Variants in PRICKLE2 observed in about 807,000 individuals in gnomAD.
The protein encoded by PRICKLE2 is prickle planar cell polarity protein 2.
Under a neutral mutation model 81.4 loss-of-function variants are expected in PRICKLE2, and 21 were observed. That is an observed-to-expected ratio of 0.26 (90% CI 0.18 to 0.37). The LOEUF is 0.37. PRICKLE2 is among the 10% of genes least tolerant of loss of function. The pLI is 1.00. For missense variants in PRICKLE2, 940 were observed against 1,109.0 expected, an observed-to-expected ratio of 0.85 and a Z score of 2.16; for synonymous variants, 456 against 421.5, an observed-to-expected ratio of 1.08 and a Z score of -1.00.
At chr3:64,233,002 A>G (rs1238794767) in intron 2 of PRICKLE2, among the ~76,000 whole-genome samples, 1 of 152,194 alleles carries the variant, frequency 6.6e-6, no homozygotes, top group Non-Finnish European at 1.5e-5. Flanking sequence ...TGTGCTATCT[A>G]TGGCTGCATT....
intron 2 of PRICKLE2, among the ~76,000 whole-genome samples, chr3:64,165,326 C>T (rs528229029): frequency 5.3e-5 from 8 of 152,110 alleles, no homozygotes; most frequent in Non-Finnish European, 8.8e-5. Flanking sequence ...AGATCTGGAC[C>T]CCGAGTCAAG....
intron 7 of PRICKLE2, among the ~76,000 whole-genome samples, chr3:64,128,481 C>A (rs191654854): frequency 6.6e-6 from 1 of 152,210 alleles, no homozygotes; most frequent in Non-Finnish European, 1.5e-5. Flanking sequence ...GGTGCGGTGG[C>A]CAACGCCTGT....
chr3:64,142,869 T>G (rs2077385312), intron 7 of PRICKLE2, among the ~76,000 whole-genome samples: 1 of 152,210 alleles, frequency 6.6e-6, no homozygotes, highest in South Asian at 2.1e-4. Flanking sequence ...TTTATCCACT[T>G]ATTCACAAAA....
chr3:64,192,719 A>G (rs1226491902), intron 2 of PRICKLE2, among the ~76,000 whole-genome samples: 2 of 152,212 alleles, frequency 1.3e-5, no homozygotes, highest in Admixed American at 6.5e-5. Context: ...CACACTTGGT[A>G]TCTACCCTTC....
chr3:64,109,269 C>T (rs1257078283), intron 7 of PRICKLE2, among the ~76,000 whole-genome samples: 1 of 152,182 alleles, frequency 6.6e-6, no homozygotes, highest in Non-Finnish European at 1.5e-5. Context: ...CTAAACTCTT[C>T]TCAGAAAATT....
In PRICKLE2 at chr3:64,099,145, C is replaced by T. The variant is rs1457237019; in HGVS notation, c.2441G>A (p.Ser814Asn). The part of the protein sequence containing the change: ...VTSDELLHKY[S>N]SYGLPKSSTL... ...GGAAGATTTGGGGAGGCCGTAGGAG[C>T]TGTATTTGTGCAGCAGCTCATCGCT... is the stretch of plus-strand genomic sequence containing the variant. Residue 814 changes from serine (S) to asparagine (N), a missense_variant, in exon 8 of 8, where the codon AGC (serine) becomes AAC (asparagine). This residue lies in a region of PRICKLE2 where 670 missense variants were observed against 717.2 expected (regional missense o/e 0.93). Coordinates refer to ENST00000638394, the MANE Select transcript of PRICKLE2 (RefSeq NM_198859.4). The surrounding 1 kb of genome is among the most constrained non-coding windows in gnomAD (Gnocchi z 4.3). The T allele has an allele frequency of 6.2e-7, 1 of 1,614,098 alleles. No homozygotes were observed. Among genetic ancestry groups the T allele is most frequent in the African/African-American group, 1.3e-5 (1 of 74,944 alleles).
At chr3:64,115,835 G>A (rs549027032) in intron 7 of PRICKLE2, among the ~76,000 whole-genome samples, 2 of 152,148 alleles carry the variant, frequency 1.3e-5, no homozygotes, top group South Asian at 4.2e-4. Context: ...CTCCGCTCTG[G>A]ATCAAGCAGA....
chr3:64,214,992 A>G (rs2078849965), intron 1 of PRICKLE2, among the ~76,000 whole-genome samples: 1 of 151,994 alleles, frequency 6.6e-6, no homozygotes, highest in Non-Finnish European at 1.5e-5. Flanking sequence ...TTGAGCTACT[A>G]CAATAGCCTA....
chr3:64,222,448 A>G (rs1274008052), intron 1 of PRICKLE2, among the ~76,000 whole-genome samples: 2 of 152,206 alleles, frequency 1.3e-5, no homozygotes, highest in Non-Finnish European at 2.9e-5. Flanking sequence ...CCCAAAATTA[A>G]AAAGAAAGAT....
At chr3:64,121,098 T>C (rs1162709247) in intron 7 of PRICKLE2, among the ~76,000 whole-genome samples, 2 of 152,162 alleles carry the variant, frequency 1.3e-5, no homozygotes, top group Non-Finnish European at 2.9e-5. Flanking sequence ...TCTGCACAGA[T>C]GGAATAAGCA....
intron 5 of PRICKLE2, among the ~76,000 whole-genome samples, chr3:64,156,386 A>G (rs2077635544): frequency 1.3e-5 from 2 of 152,238 alleles, no homozygotes; most frequent in African/African-American, 4.8e-5. Context: ...ACAGAGAAAG[A>G]TAGATGCAAA....
intron 7 of PRICKLE2, among the ~76,000 whole-genome samples, chr3:64,127,483 A>T (rs1460343444): frequency 1.3e-5 from 2 of 151,916 alleles, no homozygotes; most frequent in Non-Finnish European, 2.9e-5. Context: ...ACCTCATCTG[A>T]CTCTCATGAA....
At chr3:64,230,714 A>C (rs566234777) in intron 2 of PRICKLE2, among the ~76,000 whole-genome samples, 14 of 152,224 alleles carry the variant, frequency 9.2e-5, no homozygotes, top group Non-Finnish European at 2.1e-4. Flanking sequence ...GACCTAGCAG[A>C]TGACAGCTAC....
At position 64,097,221 on chromosome 3, in the gene PRICKLE2, A is replaced by G. The variant is rs1169322148; in HGVS notation, c.*1830T>C. On this transcript the variant is annotated 3_prime_UTR_variant, in exon 8 of 8. Transcript: ENST00000638394. ...AATACCTGAAAAGCAAATTATTTTA[A>G]TACATCCCGAATGGAGTGCCATTAC... 1 of 152,612 alleles carries G rather than the reference A, an allele frequency of 6.6e-6. No homozygotes were observed. The highest frequency in any genetic ancestry group is 1.9e-4 in the East Asian group (1 of 5,194). The allele number at this position is 152,612 out of a possible 1,614,324, so 9.5% of individuals were successfully genotyped here.
At position 64,246,219 on chromosome 3, in the gene PRICKLE2, G is replaced by C. The variant is rs570951410; in HGVS notation, c.129-47252C>G. On this transcript the variant is annotated intron_variant, in intron 2 of 8. Transcript: ENST00000295902. ...ATCATCCCACTGCACTCCAGCCTGGGCGACAAAGCAAGACTCCATCTCAAA... is the reference window on the plus strand; with the variant it reads ...ATCATCCCACTGCACTCCAGCCTGGCCGACAAAGCAAGACTCCATCTCAAA... Among the ~76,000 whole-genome samples the C allele has an allele frequency of 2.0e-5, 3 of 152,190 alleles. No individual in the cohort carries two copies. The East Asian group carries it at 5.8e-4, about 29-fold the overall frequency.
At position 64,092,946 on chromosome 3, in the gene PRICKLE2, A is replaced by C. The variant is rs1416298089; in HGVS notation, c.*6105T>G. 6.6e-6 allele frequency: 1 copy of C among 152,292 alleles called. No homozygotes were observed. Among genetic ancestry groups the C allele is most frequent in the Non-Finnish European group, 1.5e-5 (1 of 68,106 alleles). The allele number at this position is 152,292 out of a possible 1,614,324, so 9.4% of individuals were successfully genotyped here. On this transcript the variant is annotated 3_prime_UTR_variant, in exon 8 of 8. Transcript: ENST00000638394. ...GTTCAGTAGTATTAAGTTCATCTGC[A>C]TTGTTCTGCAACCCGTCTCCAGAAC...
At chr3:64,258,057 C>T (rs1356241030) in intron 2 of PRICKLE2, among the ~76,000 whole-genome samples, 2 of 152,024 alleles carry the variant, frequency 1.3e-5, no homozygotes, top group African/African-American at 4.8e-5. Context: ...AGCACCAGAA[C>T]GTAAAAGAAA....
rs1424753428 is a variant in PRICKLE2 at position 64,099,583 on chromosome 3, C to T, written c.2003G>A (p.Arg668His). Residue 668 changes from arginine to histidine, a missense_variant, in exon 8 of 8, where the codon CGC (arginine) becomes CAC (histidine). This residue lies in a region of PRICKLE2 where 670 missense variants were observed against 717.2 expected (regional missense o/e 0.93). Coordinates refer to ENST00000638394, the MANE Select transcript of PRICKLE2 (RefSeq NM_198859.4). This position sits in a 1 kb window ranked among gnomAD's most constrained non-coding sequence, Gnocchi z 4.3. ...EGVRIQPMSE[R>H]TRRRATSRDD... ...GCGTGAAGTAGCTCTTCTCCGGGTG[C>T]GTTCACTCATGGGCTGGATCCTCAC... 5.6e-6 allele frequency: 9 copies of T among 1,613,372 alleles called. No individual in the cohort carries two copies. The highest frequency in any genetic ancestry group is 1.1e-5 in the South Asian group (1 of 91,088).
At chr3:64,229,253 C>A (rs1327890302), upstream of PRICKLE2, among the ~76,000 whole-genome samples, 1 of 152,136 alleles carries the variant, frequency 6.6e-6, no homozygotes, top group African/African-American at 2.4e-5. Flanking sequence ...AAAATCAAAT[C>A]ATCTTTCCAT....
Sources: gnomAD v4.1 joint callset for allele counts (sites outside exome capture counted in the v4.1 genomes callset) on GRCh38, gnomAD v4.1.1 for gene constraint, gnomAD v4.1.1 regional missense constraint, Gnocchi (gnomAD v3.1) non-coding constraint, MANE v1.5 for transcripts, NCBI Gene and HGNC (gene_info 2026-07-23, HGNC 2026-07-21) for gene names.